IKZF2: variants seen among roughly 807,000 people sequenced by gnomAD.
IKZF2 encodes zinc finger protein Helios.
A neutral mutation model predicts 49.2 loss-of-function variants in IKZF2; 15 were observed. The ratio of observed to expected loss-of-function variants is 0.30; its 90% CI spans 0.20 to 0.47. The LOEUF is 0.47. Among genes scored for constraint, IKZF2 ranks in the 20% least tolerant of loss-of-function variants. IKZF2 has a pLI of 1.00. For synonymous variants in IKZF2, 227 were observed against 221.4 expected (o/e 1.03, Z -0.23); for missense variants, 567 against 664.6 (o/e 0.85, Z 1.61).
chr2:213,054,771 T>C (rs923372929), intron 5 of IKZF2, among the ~76,000 whole-genome samples: 1 of 152,210 alleles, frequency 6.6e-6, no homozygotes, highest in African/African-American at 2.4e-5. Flanking sequence ...CTTGCTGTTA[T>C]GAGTTGAGTG....
intron 4 of IKZF2, among the ~76,000 whole-genome samples, chr2:213,123,104 A>C (rs1428742152): frequency 6.6e-6 from 1 of 152,230 alleles, no homozygotes; most frequent in African/African-American, 2.4e-5. Flanking sequence ...TCCTCAGAGG[A>C]AGAAATGTGG....
intron 4 of IKZF2, among the ~76,000 whole-genome samples, chr2:213,146,241 T>C (rs2061053084): frequency 6.6e-6 from 1 of 152,092 alleles, no homozygotes; most frequent in South Asian, 2.1e-4. Flanking sequence ...AACTAGTATA[T>C]TGAAATGTAA....
intron 4 of IKZF2, among the ~76,000 whole-genome samples, chr2:213,091,892 G>A (rs906003785): frequency 6.6e-6 from 1 of 151,818 alleles, no homozygotes; most frequent in Non-Finnish European, 1.5e-5. Flanking sequence ...AGCTGTGTGT[G>A]TGTGTGTGCG....
chr2:213,114,564 C>CT (rs1276212410), intron 4 of IKZF2, among the ~76,000 whole-genome samples: 2 of 152,072 alleles, frequency 1.3e-5, no homozygotes, highest in Admixed American at 1.3e-4. Context: ...CAAAAGTCTT[C>CT]CAAAAAGTGT....
chr2:213,007,715 T>C lies in IKZF2; in HGVS notation c.1226A>G (p.Asp409Gly), dbSNP rs749584121. ...SPSNSCLDSTDSESSHDDHQS... is the reference protein window; with the variant it reads ...SPSNSCLDSTGSESSHDDHQS... ...GTGGTCATCATGGCTGCTTTCTGAG[T>C]CAGTGGAATCCAGGCAGCTATTGCT... The change falls in exon 9 of 9, where the codon GAC (aspartate) becomes GGC (glycine). Residue 409 changes from aspartate to glycine, a missense_variant. Coordinates refer to ENST00000434687, the MANE Select transcript of IKZF2 (RefSeq NM_001387220.1). 4 of 1,613,654 alleles carry C rather than the reference T, an allele frequency of 2.5e-6. No individual in the cohort carries two copies. Among genetic ancestry groups the C allele is most frequent in the South Asian group, 1.1e-5 (1 of 91,078 alleles).
intron 4 of IKZF2, among the ~76,000 whole-genome samples, chr2:213,110,018 G>A (rs1213217000): frequency 6.6e-6 from 1 of 151,980 alleles, no homozygotes; most frequent in Non-Finnish European, 1.5e-5. Context: ...CTGAGTGTAA[G>A]GAATCTACAT....
At chr2:213,104,779 GC>G (rs2059468759) in intron 4 of IKZF2, among the ~76,000 whole-genome samples, 1 of 152,154 alleles carries the variant, frequency 6.6e-6, no homozygotes, top group Non-Finnish European at 1.5e-5. Flanking sequence ...GCATTTAGAT[GC>G]CAACTTTGAT....
intron 7 of IKZF2, among the ~76,000 whole-genome samples, chr2:213,020,085 G>A (rs924025918): frequency 3.3e-4 from 50 of 152,126 alleles, no homozygotes; most frequent in African/African-American, 1.2e-3. Context: ...GCCATCAAAT[G>A]TCAGAACTGC....
intron 4 of IKZF2, among the ~76,000 whole-genome samples, chr2:213,111,939 T>C (rs993566462): frequency 2.0e-5 from 3 of 152,182 alleles, no homozygotes; most frequent in Non-Finnish European, 4.4e-5. Flanking sequence ...GGAATTCAAA[T>C]TGTAATTTAT....
intron 4 of IKZF2, among the ~76,000 whole-genome samples, chr2:213,073,788 C>A (rs78497020): frequency 0.014 from 2,150 of 152,314 alleles, 62 homozygotes; most frequent in African/African-American, 0.049. Context: ...TGGCTCACTG[C>A]AACCTCCACA....
intron 4 of IKZF2, among the ~76,000 whole-genome samples, chr2:213,121,648 C>T (rs1194129015): frequency 6.6e-6 from 1 of 152,190 alleles, no homozygotes; most frequent in Non-Finnish European, 1.5e-5. Flanking sequence ...GGTCACTAAA[C>T]ATTTTGATAG....
chr2:213,054,925 A>T (rs1180008655), intron 5 of IKZF2, among the ~76,000 whole-genome samples: 1 of 152,112 alleles, frequency 6.6e-6, no homozygotes, highest in Non-Finnish European at 1.5e-5. Context: ...GTATATAATT[A>T]TTATTTTATT....
At chr2:213,147,619 T>C (rs1326230744) in intron 4 of IKZF2, 89 bp downstream of exon 4, 2 of 904,954 alleles carry the variant, frequency 2.2e-6, no homozygotes, top group African/African-American at 3.2e-5. Flanking sequence ...TATACCACAA[T>C]GTGAGAGGAC....
chr2:213,057,323 G>A (rs1045836431), intron 4 of IKZF2, among the ~76,000 whole-genome samples: 6 of 152,108 alleles, frequency 3.9e-5, no homozygotes, highest in Admixed American at 1.3e-4. Flanking sequence ...TAAACAGAAT[G>A]ACTATTTCCT....
chr2:213,105,252 T>C (rs1162482277), intron 4 of IKZF2, among the ~76,000 whole-genome samples: 1 of 152,082 alleles, frequency 6.6e-6, no homozygotes, highest in Non-Finnish European at 1.5e-5. Flanking sequence ...CAGAAACCAG[T>C]TCCCTAGACT....
chr2:213,056,775 G>A (rs758339030), intron 5 of IKZF2, 58 bp downstream of exon 5: 4 of 1,590,226 alleles, frequency 2.5e-6, no homozygotes, highest in Non-Finnish European at 3.4e-6. Flanking sequence ...ATAGATGTCA[G>A]GTAATATCAA....
At chr2:213,109,844 TG>T (rs1198709806) in intron 4 of IKZF2, among the ~76,000 whole-genome samples, 1 of 151,990 alleles carries the variant, frequency 6.6e-6, no homozygotes, top group East Asian at 1.9e-4. Context: ...AATTCTAAAA[TG>T]AACACTGGTC....
Position 213,049,741 on chromosome 2 carries a change from G to T in IKZF2, c.546C>A (p.Ala182=). 2 of 1,608,230 alleles carry T rather than the reference G, an allele frequency of 1.2e-6. No homozygotes were observed. The highest frequency in any genetic ancestry group is 1.7e-6 in the Non-Finnish European group (2 of 1,176,438). ...AATGGGTCCTGAGGTGTCCTGTGAGGGCGTCCCTTCTTCTACAGGCGTAGC... is the reference window on the plus strand; with the variant it reads ...AATGGGTCCTGAGGTGTCCTGTGAGTGCGTCCCTTCTTCTACAGGCGTAGC... ...FCSYACRRRD[A]LTGHLRTHSV... Residue 182 remains alanine, a synonymous_variant, in exon 6 of 9, where the codon GCC becomes GCA. Transcript: ENST00000434687.
At chr2:213,080,041 T>C (rs1490019390) in intron 4 of IKZF2, among the ~76,000 whole-genome samples, 2 of 152,150 alleles carry the variant, frequency 1.3e-5, no homozygotes, top group Admixed American at 6.5e-5. Flanking sequence ...TAAAAACACA[T>C]GTACCCAATT....
Sources: allele counts gnomAD v4.1 joint callset (sites outside exome capture counted in the v4.1 genomes callset), GRCh38; gene constraint gnomAD v4.1.1; transcripts MANE v1.5; gene names NCBI Gene and HGNC (gene_info 2026-07-23, HGNC 2026-07-21).